The following KCNQ5 variants were observed in gnomAD, a reference collection of about 807,000 sequenced individuals.
KCNQ5 encodes potassium voltage-gated channel subfamily Q member 5.
In KCNQ5, 30 loss-of-function variants were observed where a neutral mutation model predicts 98.2. That is an observed-to-expected ratio of 0.31 (90% CI 0.23 to 0.41). The LOEUF is 0.41. KCNQ5 is among the 10% of genes least tolerant of loss of function. The probability of loss-of-function intolerance (pLI) is 1.00; values close to 1 mark genes in which losing one functional copy is unlikely to be tolerated. For missense variants in KCNQ5, 835 were observed against 1,182.5 expected (o/e 0.71, Z 4.31); for synonymous variants, 458 against 449.4 (o/e 1.02, Z -0.24).
intron 1 of KCNQ5, among the ~76,000 whole-genome samples, chr6:72,968,900 A>C (rs1277885573): frequency 6.6e-6 from 1 of 152,190 alleles, no homozygotes; most frequent in Non-Finnish European, 1.5e-5. Flanking sequence ...CAGGGATGAG[A>C]ATAAACAATG....
chr6:73,055,479 C>T, intron 3 of KCNQ5: 1 of 1,550,980 alleles, frequency 6.4e-7, no homozygotes, highest in Non-Finnish European at 8.9e-7. Flanking sequence ...CCCTACCATC[C>T]TTTCTACAGC....
At chr6:72,820,923 A>C (rs187111793) in intron 1 of KCNQ5, among the ~76,000 whole-genome samples, 7 of 152,202 alleles carry the variant, frequency 4.6e-5, no homozygotes, top group Non-Finnish European at 8.8e-5. Flanking sequence ...TTGTGAGTAC[A>C]TGTACAAACT....
intron 10 of KCNQ5, among the ~76,000 whole-genome samples, chr6:73,141,240 CCCATTTATTAGG>C (rs1226208594): frequency 5.9e-5 from 9 of 152,274 alleles, no homozygotes; most frequent in African/African-American, 2.2e-4. Flanking sequence ...GGGCACTAAT[CCCATTTATTAGG>C]GCTCTGCCCT....
At chr6:72,701,482 G>A (rs1405057040) in intron 1 of KCNQ5, among the ~76,000 whole-genome samples, 1 of 152,154 alleles carries the variant, frequency 6.6e-6, no homozygotes, top group Non-Finnish European at 1.5e-5. Flanking sequence ...TAAATAGATA[G>A]TATTACAAAT....
chr6:72,845,296 A>G (rs1776972784), intron 1 of KCNQ5, among the ~76,000 whole-genome samples: 1 of 152,166 alleles, frequency 6.6e-6, no homozygotes, highest in African/African-American at 2.4e-5. Flanking sequence ...AATGAACACT[A>G]AGATAGAGCA....
intron 10 of KCNQ5, among the ~76,000 whole-genome samples, chr6:73,142,556 A>G (rs1481410764): frequency 6.6e-6 from 1 of 152,070 alleles, no homozygotes; most frequent in Non-Finnish European, 1.5e-5. Flanking sequence ...TTCCACTCTT[A>G]GTGCAGACTC....
intron 10 of KCNQ5, among the ~76,000 whole-genome samples, chr6:73,150,817 A>AGT (rs200901807): frequency 0.095 from 6,961 of 72,994 alleles, 175 homozygotes; most frequent in East Asian, 0.18. Flanking sequence ...TAGTGTGGGA[A>AGT]GTGTATATAT....
intron 1 of KCNQ5, among the ~76,000 whole-genome samples, chr6:72,920,067 C>T (rs942885967): frequency 5.3e-5 from 8 of 151,978 alleles, no homozygotes; most frequent in South Asian, 2.1e-4. Flanking sequence ...TTTAGGAGGC[C>T]GAGGTGGGTG....
intron 7 of KCNQ5, among the ~76,000 whole-genome samples, chr6:73,112,478 T>C (rs1280377929): frequency 1.3e-5 from 2 of 152,046 alleles, no homozygotes; most frequent in African/African-American, 4.8e-5. Flanking sequence ...CCCGAGTAGC[T>C]GGGACTACAG....
At chr6:73,041,090 A>G (rs1472127349) in intron 2 of KCNQ5, among the ~76,000 whole-genome samples, 1 of 151,816 alleles carries the variant, frequency 6.6e-6, no homozygotes, top group Non-Finnish European at 1.5e-5. Context: ...ATTTTGATAA[A>G]TAAAGTGCCT....
chr6:72,744,804 C>T lies in KCNQ5; in HGVS notation c.398+122217C>T, dbSNP rs368157147. Among the ~76,000 whole-genome samples, 7 of 148,888 alleles carry T rather than the reference C, an allele frequency of 4.7e-5. No homozygotes were observed. In the South Asian group the frequency reaches 8.6e-4, roughly 18 times the overall value. On this transcript the variant is annotated intron_variant, in intron 1 of 13. Coordinates refer to ENST00000370398, the MANE Select transcript of KCNQ5 (RefSeq NM_019842.4). The stretch of plus-strand genomic sequence containing the variant: ...CCAGACTGGTGACAGAGCGAGACTC[C>T]GTCTAAAAAAAAAAAGAAAAAGAAA...
At chr6:72,972,238 A>G (rs1237849152) in intron 1 of KCNQ5, among the ~76,000 whole-genome samples, 1 of 152,222 alleles carries the variant, frequency 6.6e-6, no homozygotes, top group East Asian at 1.9e-4. Context: ...TCAGAAATCT[A>G]ATATGGAAAT....
chr6:72,897,700 A>G (rs1053685945), intron 1 of KCNQ5, among the ~76,000 whole-genome samples: 1 of 152,224 alleles, frequency 6.6e-6, no homozygotes, highest in African/African-American at 2.4e-5. Context: ...AAAGGCAAAA[A>G]GGAGGAGAGG....
chr6:73,011,024 T>C (rs1321177642), intron 2 of KCNQ5, among the ~76,000 whole-genome samples: 1 of 152,054 alleles, frequency 6.6e-6, no homozygotes, highest in Non-Finnish European at 1.5e-5. Context: ...ATCCTAGAAT[T>C]CATATAGAAT....
chr6:72,751,944 G>C (rs1338807941), intron 1 of KCNQ5, among the ~76,000 whole-genome samples: 4 of 152,092 alleles, frequency 2.6e-5, no homozygotes, highest in Non-Finnish European at 5.9e-5. Flanking sequence ...ATTTCACCAA[G>C]TAGTTAGCAA....
intron 7 of KCNQ5, among the ~76,000 whole-genome samples, chr6:73,116,772 A>G (rs1775515411): frequency 6.6e-6 from 1 of 152,238 alleles, no homozygotes; most frequent in Non-Finnish European, 1.5e-5. Flanking sequence ...AGTAGTGTGA[A>G]GAAAGATGTG....
intron 1 of KCNQ5, among the ~76,000 whole-genome samples, chr6:72,818,420 GA>G (rs970282179): frequency 4.6e-5 from 7 of 152,110 alleles, no homozygotes; most frequent in African/African-American, 1.7e-4. Flanking sequence ...ACTGCAAGAA[GA>G]AAACAGCAAG....
At chr6:72,670,717 C>T (rs117457703) in intron 1 of KCNQ5, among the ~76,000 whole-genome samples, 2,183 of 152,244 alleles carry the variant, frequency 0.014, 26 homozygotes, top group Non-Finnish European at 0.023. Context: ...GCTGTGTGCT[C>T]CTGTGGTGGA....
intron 1 of KCNQ5, among the ~76,000 whole-genome samples, chr6:72,680,315 T>C (rs1417506484): frequency 6.6e-6 from 1 of 152,234 alleles, no homozygotes; most frequent in Non-Finnish European, 1.5e-5. Context: ...TTTCTTTCAC[T>C]TAATGTTTTC....
Sources: allele counts gnomAD v4.1 joint callset (sites outside exome capture counted in the v4.1 genomes callset), GRCh38; gene constraint gnomAD v4.1.1; transcripts MANE v1.5; gene names NCBI Gene and HGNC (gene_info 2026-07-23, HGNC 2026-07-21).